Variants in MAGI2 observed in about 807,000 individuals in gnomAD.
MAGI2 encodes membrane associated guanylate kinase, WW and PDZ domain containing 2, also known as membrane-associated guanylate kinase, WW and PDZ domain-containing protein 2.
In MAGI2, 35 loss-of-function variants were observed where a neutral mutation model predicts 133.3. The ratio of observed to expected loss-of-function variants is 0.26; its 90% CI spans 0.20 to 0.35. The LOEUF (loss-of-function observed/expected upper bound fraction) is 0.35, where lower values mean the gene tolerates loss of function less well. Ranked by LOEUF, MAGI2 falls within the 10% of genes least tolerant of loss-of-function variation. The pLI, the probability that MAGI2 is intolerant of heterozygous loss-of-function variation, is 1.00. For missense variants in MAGI2, 1,636 were observed against 1,863.4 expected (o/e 0.88, Z 2.25); for synonymous variants, 729 against 710.6 (o/e 1.03, Z -0.41).
At chr7:78,727,949 C>G (rs1420946550) in intron 2 of MAGI2, among the ~76,000 whole-genome samples, 1 of 152,030 alleles carries the variant, frequency 6.6e-6, no homozygotes, top group Non-Finnish European at 1.5e-5. Flanking sequence ...CAATATAATA[C>G]CAGGTTGTGA....
chr7:78,398,216 C>A (rs1359025307), intron 6 of MAGI2, among the ~76,000 whole-genome samples: 1 of 152,168 alleles, frequency 6.6e-6, no homozygotes, highest in African/African-American at 2.4e-5. Context: ...GCAGCATTGA[C>A]TCAGTTGACT....
intron 9 of MAGI2, among the ~76,000 whole-genome samples, chr7:78,341,389 T>A (rs1790357219): frequency 6.6e-6 from 1 of 151,980 alleles, no homozygotes; most frequent in Admixed American, 6.6e-5. Flanking sequence ...ACTGCCCAAA[T>A]AATTTATAGA....
At chr7:78,401,168 T>A (rs1422940191) in intron 6 of MAGI2, among the ~76,000 whole-genome samples, 1 of 145,184 alleles carries the variant, frequency 6.9e-6, no homozygotes, top group African/African-American at 2.6e-5. Flanking sequence ...TCCTGGAGAC[T>A]GAAAACACCA....
In MAGI2 at chr7:79,042,001, C is replaced by T. The variant is rs574809731; in HGVS notation, c.302-34795G>A. 5.3e-5 allele frequency among the ~76,000 whole-genome samples: 8 copies of T among 152,150 alleles called. No individual in the cohort carries two copies. In the South Asian group the frequency reaches 1.7e-3, roughly 32 times the overall value. ...ATTAAAAAAATTATAAACTAGGCTT[C>T]ACCAATATTAAAATCTTTTGCTCTT... On this transcript the variant is annotated intron_variant, in intron 1 of 21. Coordinates refer to ENST00000354212, the MANE Select transcript of MAGI2 (RefSeq NM_012301.4).
intron 2 of MAGI2, among the ~76,000 whole-genome samples, chr7:78,792,294 C>T (rs1020747007): frequency 3.3e-5 from 5 of 152,156 alleles, no homozygotes; most frequent in African/African-American, 7.2e-5. Context: ...TTGTTGTCCA[C>T]GTCATATTTC....
chr7:79,263,837 A>G (rs1190817643), intron 1 of MAGI2, among the ~76,000 whole-genome samples: 2 of 152,226 alleles, frequency 1.3e-5, no homozygotes, highest in Non-Finnish European at 2.9e-5. Flanking sequence ...GATGTAGGAA[A>G]TTACATTGAT....
chr7:78,823,295 C>T (rs1417466283), intron 2 of MAGI2, among the ~76,000 whole-genome samples: 3 of 151,790 alleles, frequency 2.0e-5, no homozygotes, highest in Non-Finnish European at 2.9e-5. Context: ...TGAAATACGA[C>T]ACTGTCGGCC....
At chr7:79,217,300 T>G (rs1006718960) in intron 1 of MAGI2, among the ~76,000 whole-genome samples, 1 of 152,148 alleles carries the variant, frequency 6.6e-6, no homozygotes, top group Middle Eastern at 3.4e-3. Context: ...TTAAATATGC[T>G]GATGGTGACA....
chr7:78,624,559 C>T (rs557602960), intron 3 of MAGI2, among the ~76,000 whole-genome samples: 33 of 152,208 alleles, frequency 2.2e-4, no homozygotes, highest in African/African-American at 7.7e-4. Context: ...GAAAACCCAA[C>T]ACTGCATGTT....
chr7:78,573,237 T>A (rs1251622088), intron 3 of MAGI2, among the ~76,000 whole-genome samples: 1 of 64,356 alleles, frequency 1.6e-5, no homozygotes, highest in Admixed American at 2.6e-4. Context: ...AATATAAATA[T>A]ATATATATAA....
At chr7:79,349,089 G>T (rs1841516522) in intron 1 of MAGI2, among the ~76,000 whole-genome samples, 1 of 151,862 alleles carries the variant, frequency 6.6e-6, no homozygotes, top group Non-Finnish European at 1.5e-5. Context: ...ACATAAAAGA[G>T]GCTATCTTTA....
At chr7:78,131,120 G>A (rs1426615662) in intron 18 of MAGI2, among the ~76,000 whole-genome samples, 1 of 152,222 alleles carries the variant, frequency 6.6e-6, no homozygotes, top group Admixed American at 6.5e-5. Flanking sequence ...GGGTGCTCAA[G>A]TCCTTCCTCT....
At chr7:78,218,053 CAG>C (rs1788440669) in intron 10 of MAGI2, among the ~76,000 whole-genome samples, 2 of 152,222 alleles carry the variant, frequency 1.3e-5, no homozygotes, top group South Asian at 4.1e-4. Context: ...AGAATAGACA[CAG>C]ATATATGGCA....
intron 3 of MAGI2, among the ~76,000 whole-genome samples, chr7:78,524,053 A>G (rs1170458322): frequency 6.3e-5 from 1 of 15,960 alleles, no homozygotes; most frequent in African/African-American, 9.7e-4. Context: ...ATTTCTAGGG[A>G]AAAAAAAAAA....
intron 6 of MAGI2, among the ~76,000 whole-genome samples, chr7:78,482,745 T>C (rs1792528774): frequency 1.3e-5 from 2 of 151,580 alleles, no homozygotes; most frequent in African/African-American, 2.4e-5. Flanking sequence ...GGGTCAGGGA[T>C]TGGTCAGGAA....
At chr7:79,301,059 GC>G (rs1265150650) in intron 1 of MAGI2, among the ~76,000 whole-genome samples, 1 of 152,246 alleles carries the variant, frequency 6.6e-6, no homozygotes, top group Non-Finnish European at 1.5e-5. Flanking sequence ...GTATGGAAAA[GC>G]CTGGGTGCCC....
chr7:78,430,240 C>CTTT (rs545809101), intron 6 of MAGI2, among the ~76,000 whole-genome samples: 1,237 of 76,564 alleles, frequency 0.016, 77 homozygotes, highest in African/African-American at 0.061. Flanking sequence ...CTGGAAAAGC[C>CTTT]TTTTTTTTTT....
At chr7:78,963,649 A>G (rs1397126707) in intron 2 of MAGI2, among the ~76,000 whole-genome samples, 1 of 152,060 alleles carries the variant, frequency 6.6e-6, no homozygotes, top group East Asian at 1.9e-4. Flanking sequence ...ATACTTGAGC[A>G]GAAATTGCTC....
chr7:78,948,098 T>C (rs1801574083), intron 2 of MAGI2, among the ~76,000 whole-genome samples: 1 of 152,058 alleles, frequency 6.6e-6, no homozygotes, highest in African/African-American at 2.4e-5. Context: ...AAATGATTTA[T>C]GTAGGGCCAG....
Sources: gnomAD v4.1 joint callset for allele counts (sites outside exome capture counted in the v4.1 genomes callset) on GRCh38, gnomAD v4.1.1 for gene constraint, MANE v1.5 for transcripts, NCBI Gene and HGNC (gene_info 2026-07-23, HGNC 2026-07-21) for gene names.